The following PGBD5 variants were observed in gnomAD, a reference collection of about 807,000 sequenced individuals.
PGBD5 encodes the protein piggyBac transposable element derived 5.
A neutral mutation model predicts 47.9 loss-of-function variants in PGBD5; 14 were observed. The observed-to-expected ratio is 0.29, with a 90% confidence interval of 0.19 to 0.46. The LOEUF (loss-of-function observed/expected upper bound fraction) is 0.46. Ranked by LOEUF, PGBD5 falls within the 20% of genes least tolerant of loss-of-function variation. The pLI is 1.00. For synonymous variants in PGBD5, 316 were observed against 306.3 expected, an observed-to-expected ratio of 1.03 and a Z score of -0.33; for missense variants, 635 against 716.0, an observed-to-expected ratio of 0.89 and a Z score of 1.29.
chr1:230,377,648 G>A (rs376205500), intron 1 of PGBD5: 407 of 1,476,864 alleles, frequency 2.8e-4, no homozygotes, highest in Middle Eastern at 1.4e-3. Flanking sequence ...AGGTGCCCTG[G>A]TCAAGGTACA....
intron 1 of PGBD5, among the ~76,000 whole-genome samples, chr1:230,402,898 T>C (rs1454763975): frequency 1.3e-5 from 2 of 152,244 alleles, no homozygotes; most frequent in Admixed American, 6.5e-5. Flanking sequence ...ACCATTGAAC[T>C]TGATGTTCCA....
At chr1:230,381,152 G>A (rs926393311) in intron 1 of PGBD5, among the ~76,000 whole-genome samples, 1 of 152,218 alleles carries the variant, frequency 6.6e-6, no homozygotes, top group Non-Finnish European at 1.5e-5. Context: ...GAAACTGAAA[G>A]CCAAACAAGG....
intron 3 of PGBD5, among the ~76,000 whole-genome samples, chr1:230,344,460 A>C (rs937867199): frequency 6.6e-6 from 1 of 152,244 alleles, no homozygotes; most frequent in African/African-American, 2.4e-5. Context: ...TGGAGAAAAA[A>C]TGAATCCTGC....
intron 1 of PGBD5, among the ~76,000 whole-genome samples, chr1:230,392,107 A>AT (rs1430698430): frequency 1.3e-5 from 2 of 152,274 alleles, no homozygotes; most frequent in South Asian, 2.1e-4. Flanking sequence ...ACTTGCTTTG[A>AT]TTTTTTTCTC....
At chr1:230,329,004 C>G (rs1667167222) in intron 5 of PGBD5, among the ~76,000 whole-genome samples, 1 of 152,072 alleles carries the variant, frequency 6.6e-6, no homozygotes, top group South Asian at 2.1e-4. Flanking sequence ...ACGATCTTGG[C>G]TCACTGCAGC....
intron 2 of PGBD5, 123 bp downstream of exon 2, chr1:230,356,771 C>T (rs1667652158): frequency 2.0e-6 from 2 of 991,562 alleles, no homozygotes; most frequent in Admixed American, 2.6e-5. Context: ...CAGAGGTGAC[C>T]TTGAAGTGAA....
intron 1 of PGBD5, among the ~76,000 whole-genome samples, chr1:230,361,721 A>G (rs945112953): frequency 6.6e-6 from 1 of 152,228 alleles, no homozygotes; most frequent in Non-Finnish European, 1.5e-5. Context: ...TGATCCTGAA[A>G]GTCGAAAGGA....
At chr1:230,383,993 G>A (rs1047980357) in intron 1 of PGBD5, among the ~76,000 whole-genome samples, 2 of 151,968 alleles carry the variant, frequency 1.3e-5, no homozygotes, top group African/African-American at 4.8e-5. Context: ...AGTGGTGATG[G>A]AACCCAGAGA....
chr1:230,325,715 T>G (rs76344265), intron 5 of PGBD5, among the ~76,000 whole-genome samples: 8 of 151,942 alleles, frequency 5.3e-5, no homozygotes, highest in Non-Finnish European at 1.2e-4. Flanking sequence ...CTAAGCAGCA[T>G]GGGGAAGGGT....
intron 3 of PGBD5, among the ~76,000 whole-genome samples, chr1:230,339,052 T>C (rs1667370801): frequency 6.6e-6 from 1 of 152,218 alleles, no homozygotes; most frequent in African/African-American, 2.4e-5. Flanking sequence ...GGGAAGTGTG[T>C]GCACACCAGG....
chr1:230,365,854 G>A (rs192685792), intron 1 of PGBD5, among the ~76,000 whole-genome samples: 1 of 152,314 alleles, frequency 6.6e-6, no homozygotes, highest in Admixed American at 6.5e-5. Context: ...TGTTGTCAGT[G>A]GGCAGAGATC....
chr1:230,408,347 TTGTA>T (rs1558214233), intron 1 of PGBD5, among the ~76,000 whole-genome samples: 2 of 152,190 alleles, frequency 1.3e-5, no homozygotes, highest in African/African-American at 4.8e-5. Context: ...TTGATGTATC[TTGTA>T]TGTATGTATG....
intron 1 of PGBD5, chr1:230,362,518 T>TG (rs1667764023): frequency 8.7e-6 from 10 of 1,154,302 alleles, no homozygotes; most frequent in Non-Finnish European, 1.1e-5. Flanking sequence ...CATCACCTTC[T>TG]GGGGGAACCT....
chr1:230,348,242 G>A (rs376601751), intron 3 of PGBD5, among the ~76,000 whole-genome samples: 1 of 152,228 alleles, frequency 6.6e-6, no homozygotes, highest in East Asian at 1.9e-4. Context: ...GCAGTAGAAG[G>A]GACCTCACTG....
chr1:230,387,549 G>C (rs370542824), intron 1 of PGBD5, among the ~76,000 whole-genome samples: 21 of 152,310 alleles, frequency 1.4e-4, no homozygotes, highest in African/African-American at 5.1e-4. Context: ...CTGAATCCAG[G>C]CCTGGTGGGA....
chr1:230,394,653 C>G (rs1370807522), intron 1 of PGBD5, among the ~76,000 whole-genome samples: 12 of 133,616 alleles, frequency 9.0e-5, no homozygotes, highest in East Asian at 2.5e-4. Context: ...TCACGCTCCT[C>G]CCAATCCCCA....
At chr1:230,397,018 G>A (rs1200556644) in intron 1 of PGBD5, among the ~76,000 whole-genome samples, 1 of 152,218 alleles carries the variant, frequency 6.6e-6, no homozygotes, top group African/African-American at 2.4e-5. Context: ...GGACAGCTGG[G>A]AGGTGCACTG....
At chr1:230,347,290 G>C (rs1026382696) in intron 3 of PGBD5, among the ~76,000 whole-genome samples, 1 of 152,040 alleles carries the variant, frequency 6.6e-6, no homozygotes, top group Non-Finnish European at 1.5e-5. Context: ...GGGAGAGTGG[G>C]AGGAAGAGGC....
chr1:230,420,096 A>G (rs1465802625), intron 1 of PGBD5, among the ~76,000 whole-genome samples: 1 of 152,204 alleles, frequency 6.6e-6, no homozygotes, highest in African/African-American at 2.4e-5. Context: ...ATTGCACTCC[A>G]GCCTGGGCAA....
Sources: allele counts gnomAD v4.1 joint callset (sites outside exome capture counted in the v4.1 genomes callset), GRCh38; gene constraint gnomAD v4.1.1; transcripts MANE v1.5; gene names NCBI Gene and HGNC (gene_info 2026-07-23, HGNC 2026-07-21).